The following CSMD1 variants were observed in gnomAD, a reference collection of about 807,000 sequenced individuals.
CSMD1 encodes CUB and sushi domain-containing protein 1.
A neutral mutation model predicts 417.5 loss-of-function variants in CSMD1; 213 were observed. The ratio of observed to expected loss-of-function variants is 0.51; its 90% CI spans 0.46 to 0.57. CSMD1 has a LOEUF of 0.57. Among genes scored for constraint, CSMD1 ranks in the 20% least tolerant of loss-of-function variants. The pLI is 0.00. For missense variants in CSMD1, 6,923 were observed against 4,529.7 expected, an observed-to-expected ratio of 1.53 and a Z score of -15.17; for synonymous variants, 2,862 against 1,736.8, an observed-to-expected ratio of 1.65 and a Z score of -16.11.
chr8:4,496,175 A>C (rs182751446), intron 2 of CSMD1, among the ~76,000 whole-genome samples: 2 of 152,196 alleles, frequency 1.3e-5, no homozygotes, highest in African/African-American at 2.4e-5. Flanking sequence ...CTATGAAGAG[A>C]AAATTTAAAT....
chr8:3,139,671 G>A (rs1390637901), intron 41 of CSMD1, among the ~76,000 whole-genome samples: 1 of 152,050 alleles, frequency 6.6e-6, no homozygotes, highest in South Asian at 2.1e-4. Flanking sequence ...AGAGGTCCAA[G>A]GTACATTAAA....
At chr8:3,078,722 G>C (rs1427470524) in intron 49 of CSMD1, among the ~76,000 whole-genome samples, 1 of 152,110 alleles carries the variant, frequency 6.6e-6, no homozygotes, top group Non-Finnish European at 1.5e-5. Flanking sequence ...GGAAAAGAGA[G>C]CCAGTGTCTG....
At chr8:3,653,969 A>T (rs565514024) in intron 7 of CSMD1, among the ~76,000 whole-genome samples, 1 of 152,340 alleles carries the variant, frequency 6.6e-6, no homozygotes, top group South Asian at 2.1e-4. Context: ...TACTGTTGTC[A>T]CATAGAAAAT....
At chr8:4,935,095 AG>A (rs1488277227) in intron 1 of CSMD1, among the ~76,000 whole-genome samples, 1 of 152,220 alleles carries the variant, frequency 6.6e-6, no homozygotes, top group Non-Finnish European at 1.5e-5. Flanking sequence ...CCCCATGATC[AG>A]GATTCTGCCT....
intron 5 of CSMD1, among the ~76,000 whole-genome samples, chr8:3,844,070 C>G (rs920992447): frequency 2.6e-5 from 4 of 152,162 alleles, no homozygotes; most frequent in Non-Finnish European, 5.9e-5. Flanking sequence ...CCATCCCACT[C>G]TCAACAAGGC....
chr8:3,504,892 T>C (rs1796758216), intron 10 of CSMD1, among the ~76,000 whole-genome samples: 1 of 152,140 alleles, frequency 6.6e-6, no homozygotes, highest in African/African-American at 2.4e-5. Flanking sequence ...GGAAAATTTC[T>C]GAAGCAGAAC....
At chr8:3,554,613 G>C (rs1482192) in intron 10 of CSMD1, among the ~76,000 whole-genome samples, 78,585 of 152,128 alleles carry the variant, frequency 0.52, 20,540 homozygotes, top group East Asian at 0.63. Flanking sequence ...AGGCCAAAGA[G>C]GATCTGAGCA....
chr8:4,250,626 G>C (rs892171363), intron 3 of CSMD1, among the ~76,000 whole-genome samples: 2 of 152,136 alleles, frequency 1.3e-5, no homozygotes, highest in African/African-American at 2.4e-5. Context: ...TAGTACAGCA[G>C]TTCCTTCCAC....
intron 3 of CSMD1, among the ~76,000 whole-genome samples, chr8:4,404,943 C>A (rs1051022850): frequency 6.6e-6 from 1 of 152,160 alleles, no homozygotes; most frequent in Non-Finnish European, 1.5e-5. Flanking sequence ...ATATGATTAT[C>A]CTCTTTTGGA....
At chr8:4,184,623 A>T (rs952616514) in intron 3 of CSMD1, among the ~76,000 whole-genome samples, 1 of 152,250 alleles carries the variant, frequency 6.6e-6, no homozygotes, top group East Asian at 1.9e-4. Flanking sequence ...AAAAAAATCA[A>T]ATGTTCTCAT....
At chr8:3,543,086 C>G (rs1798509391) in intron 10 of CSMD1, among the ~76,000 whole-genome samples, 1 of 152,192 alleles carries the variant, frequency 6.6e-6, no homozygotes, top group Non-Finnish European at 1.5e-5. Context: ...CAAAGGGAAC[C>G]TGCTTCATGC....
intron 5 of CSMD1, among the ~76,000 whole-genome samples, chr8:3,960,915 A>T (rs1812281601): frequency 6.6e-6 from 1 of 152,064 alleles, no homozygotes; most frequent in Non-Finnish European, 1.5e-5. Context: ...CTCTAGACTT[A>T]GATTATTCCT....
At chr8:3,893,838 C>T (rs577829555) in intron 5 of CSMD1, among the ~76,000 whole-genome samples, 2 of 151,952 alleles carry the variant, frequency 1.3e-5, no homozygotes, top group South Asian at 2.1e-4. Context: ...CCAGACTGAC[C>T]CTTTGTTCAT....
At chr8:3,889,579 G>A (rs2449816) in intron 5 of CSMD1, among the ~76,000 whole-genome samples, 97,519 of 136,020 alleles carry the variant, frequency 0.72, 35,845 homozygotes, top group Middle Eastern at 0.79. Context: ...GTATGTGTAT[G>A]TATACATATA....
intron 46 of CSMD1, among the ~76,000 whole-genome samples, chr8:3,098,811 C>A (rs1585343905): frequency 6.6e-6 from 1 of 152,226 alleles, no homozygotes; most frequent in Admixed American, 6.5e-5. Context: ...ACAACCAGGG[C>A]TTTCCTTGGC....
At chr8:4,521,621 G>T (rs1010581948) in intron 2 of CSMD1, among the ~76,000 whole-genome samples, 1 of 152,140 alleles carries the variant, frequency 6.6e-6, no homozygotes, top group Non-Finnish European at 1.5e-5. Context: ...TAACAGAATT[G>T]CAAGGTAACT....
intron 10 of CSMD1, among the ~76,000 whole-genome samples, chr8:3,566,485 T>C (rs13268669): frequency 6.6e-6 from 1 of 151,688 alleles, no homozygotes; most frequent in Non-Finnish European, 1.5e-5. Context: ...CAGCCCCTCC[T>C]GGTGTGCTGT....
At chr8:4,077,035 G>A (rs1013917619) in intron 3 of CSMD1, among the ~76,000 whole-genome samples, 1 of 151,998 alleles carries the variant, frequency 6.6e-6, no homozygotes, top group Admixed American at 6.6e-5. Context: ...AGGTAATTCT[G>A]TACTATGTGG....
chr8:4,573,555 T>C (rs1017733256), intron 2 of CSMD1, among the ~76,000 whole-genome samples: 5 of 152,066 alleles, frequency 3.3e-5, no homozygotes, highest in African/African-American at 1.2e-4. Flanking sequence ...GAGATGTCTG[T>C]TGATCCCTGC....
Sources: allele counts gnomAD v4.1 joint callset (sites outside exome capture counted in the v4.1 genomes callset), GRCh38; gene constraint gnomAD v4.1.1; transcripts MANE v1.5; gene names NCBI Gene and HGNC (gene_info 2026-07-23, HGNC 2026-07-21).